Variants in GAREM1 observed in about 807,000 individuals in gnomAD.
GAREM1 encodes the protein GRB2-associated and regulator of MAPK protein 1.
GAREM1 carries 26 observed loss-of-function variants against 71.3 expected under a neutral mutation model. The ratio of observed to expected loss-of-function variants is 0.36; its 90% CI spans 0.27 to 0.51. GAREM1 has a LOEUF of 0.51. GAREM1 is among the 20% of genes least tolerant of loss of function. GAREM1 has a pLI of 0.95. For missense variants in GAREM1, 1,026 were observed against 1,103.1 expected (o/e 0.93, Z 0.99); for synonymous variants, 440 against 433.2 (o/e 1.02, Z -0.20).
At chr18:32,351,166 G>A (rs1347535534) in intron 2 of GAREM1, among the ~76,000 whole-genome samples, 2 of 152,136 alleles carry the variant, frequency 1.3e-5, no homozygotes, top group African/African-American at 4.8e-5. Context: ...GAATTAGGAA[G>A]TAATTTTCAT....
chr18:32,298,814 ATTTGATT>A (rs1327517046), intron 3 of GAREM1, among the ~76,000 whole-genome samples: 1 of 152,228 alleles, frequency 6.6e-6, no homozygotes, highest in Non-Finnish European at 1.5e-5. Flanking sequence ...TATAGACAAT[ATTTGATT>A]AGTATTATGT....
chr18:32,302,883 C>T (rs1292924676), intron 3 of GAREM1, among the ~76,000 whole-genome samples: 1 of 152,188 alleles, frequency 6.6e-6, no homozygotes, highest in Admixed American at 6.5e-5. Flanking sequence ...TCCTTCTCCC[C>T]ACATTACAGT....
chr18:32,297,543 T>G (rs1242251934), intron 3 of GAREM1, among the ~76,000 whole-genome samples: 4 of 152,254 alleles, frequency 2.6e-5, no homozygotes, highest in Admixed American at 2.6e-4. Flanking sequence ...TTCTAAGTTT[T>G]CATCTCCTAC....
intron 1 of GAREM1, among the ~76,000 whole-genome samples, chr18:32,427,500 T>C (rs1335497534): frequency 1.3e-5 from 2 of 152,130 alleles, no homozygotes; most frequent in East Asian, 3.9e-4. Context: ...ATTGCAATGG[T>C]GATGTTTGAG....
intron 3 of GAREM1, among the ~76,000 whole-genome samples, chr18:32,293,310 A>G (rs1452245828): frequency 6.6e-6 from 1 of 152,166 alleles, no homozygotes; most frequent in Non-Finnish European, 1.5e-5. Flanking sequence ...TGTGCTTGGA[A>G]CATTTTGTCA....
At chr18:32,419,156 C>T (rs2048496129) in intron 1 of GAREM1, among the ~76,000 whole-genome samples, 1 of 152,184 alleles carries the variant, frequency 6.6e-6, no homozygotes, top group Admixed American at 6.5e-5. Flanking sequence ...CCATCCCCTT[C>T]TCAGCACCAG....
At chr18:32,286,397 T>TTC in intron 4 of GAREM1, among the ~76,000 whole-genome samples, 1 of 152,022 alleles carries the variant, frequency 6.6e-6, no homozygotes, top group South Asian at 2.1e-4. Context: ...TTGATCTCAG[T>TTC]GTAACTTCAG....
At chr18:32,336,690 C>CCTATT (rs1446360782) in intron 2 of GAREM1, among the ~76,000 whole-genome samples, 3 of 152,180 alleles carry the variant, frequency 2.0e-5, no homozygotes, top group Non-Finnish European at 2.9e-5. Flanking sequence ...TTATTCCCCA[C>CCTATT]TCAAACACTC....
intron 1 of GAREM1, among the ~76,000 whole-genome samples, chr18:32,422,513 C>A (rs1376400590): frequency 6.6e-6 from 1 of 152,180 alleles, no homozygotes; most frequent in East Asian, 1.9e-4. Context: ...AATAATGATG[C>A]TCAATGTATG....
At position 32,282,530 on chromosome 18, in the gene GAREM1, T is replaced by TTTTG. The variant is rs912241801; in HGVS notation, c.1566+4497_1566+4500dup. On this transcript the variant is annotated intron_variant, in intron 4 of 5. Transcript: ENST00000269209. ...TAGAAGAGCTGTGAACCTGCAGGGT[T>TTTTG]TTTGTTTGTTTGTTTGTTTTTCTGA... 1.2e-4 allele frequency among the ~76,000 whole-genome samples: 19 copies of TTTTG among 152,184 alleles called. 1 individual carries two copies. Among genetic ancestry groups the TTTTG allele is most frequent in the East Asian group, 1.9e-4 (1 of 5,158 alleles).
intron 1 of GAREM1, among the ~76,000 whole-genome samples, chr18:32,443,441 A>G (rs898656583): frequency 3.9e-5 from 6 of 152,208 alleles, no homozygotes; most frequent in Non-Finnish European, 7.3e-5. Context: ...GCCATTCAAC[A>G]ATGAAAAGTA....
chr18:32,428,659 T>A (rs1467494205), intron 1 of GAREM1, among the ~76,000 whole-genome samples: 2 of 152,204 alleles, frequency 1.3e-5, no homozygotes, highest in Admixed American at 6.5e-5. Context: ...ACCTCTTTTT[T>A]AAATAAATTA....
At chr18:32,405,765 A>G (rs2048359034) in intron 1 of GAREM1, among the ~76,000 whole-genome samples, 1 of 152,184 alleles carries the variant, frequency 6.6e-6, no homozygotes, top group African/African-American at 2.4e-5. Flanking sequence ...GACTCTCAGG[A>G]ATACCTTGGA....
At chr18:32,455,221 G>A (rs1415528919) in intron 1 of GAREM1, among the ~76,000 whole-genome samples, 1 of 151,978 alleles carries the variant, frequency 6.6e-6, no homozygotes, top group Non-Finnish European at 1.5e-5. Flanking sequence ...TTTCTAAAAT[G>A]TAGATTTCAT....
At chr18:32,385,997 C>T (rs548970217) in intron 2 of GAREM1, among the ~76,000 whole-genome samples, 48 of 152,152 alleles carry the variant, frequency 3.2e-4, no homozygotes, top group South Asian at 6.2e-4. Context: ...AAAATTCAGT[C>T]ATCAAAAATG....
intron 1 of GAREM1, among the ~76,000 whole-genome samples, chr18:32,444,876 G>A (rs952696714): frequency 3.3e-5 from 5 of 152,180 alleles, no homozygotes; most frequent in African/African-American, 1.2e-4. Context: ...AGACATGTTT[G>A]AGAGATACAG....
chr18:32,365,030 C>T (rs895259431), intron 2 of GAREM1, among the ~76,000 whole-genome samples: 1 of 152,158 alleles, frequency 6.6e-6, no homozygotes, highest in Non-Finnish European at 1.5e-5. Context: ...CAAAAACTCA[C>T]ACCCAAGATT....
At position 32,314,294 on chromosome 18, in the gene GAREM1, A is replaced by G. The variant is rs138941776; in HGVS notation, c.263-3971T>C. Among the ~76,000 whole-genome samples, 1,006 of 152,214 alleles carry G rather than the reference A, an allele frequency of 6.6e-3. 10 individuals are homozygous for G. Among genetic ancestry groups the G allele is most frequent in the African/African-American group, 0.023 (957 of 41,522 alleles). On this transcript the variant is annotated intron_variant, in intron 2 of 5. Coordinates refer to ENST00000269209, the MANE Select transcript of GAREM1 (RefSeq NM_001242409.2). ...GCAATGACACCCATGTCTGCATACC[A>G]TTTCATAATGGATTTAACTGTTTTT...
intron 1 of GAREM1, among the ~76,000 whole-genome samples, chr18:32,394,177 A>G (rs1281586543): frequency 6.6e-6 from 1 of 152,132 alleles, no homozygotes; most frequent in African/African-American, 2.4e-5. Flanking sequence ...AGGTGGGAGG[A>G]TGGCTTGAGT....
Sources: allele counts gnomAD v4.1 joint callset (sites outside exome capture counted in the v4.1 genomes callset), GRCh38; gene constraint gnomAD v4.1.1; transcripts MANE v1.5; gene names NCBI Gene and HGNC (gene_info 2026-07-23, HGNC 2026-07-21).